The following CEP85L variants were observed in gnomAD, a reference collection of about 807,000 sequenced individuals.
CEP85L encodes the protein centrosomal protein of 85 kDa-like.
Under a neutral mutation model 100.3 loss-of-function variants are expected in CEP85L, and 60 were observed. That is an observed-to-expected ratio of 0.60 (90% CI 0.49 to 0.74). The LOEUF (loss-of-function observed/expected upper bound fraction) is 0.74, where lower values mean the gene tolerates loss of function less well. CEP85L is among the 30% of genes least tolerant of loss of function. The probability of loss-of-function intolerance (pLI) is 0.00; values close to 1 mark genes in which losing one functional copy is unlikely to be tolerated. For synonymous variants in CEP85L, 319 were observed against 322.7 expected (o/e 0.99, Z 0.12); for missense variants, 973 against 936.2 (o/e 1.04, Z -0.51).
intron 1 of CEP85L, among the ~76,000 whole-genome samples, chr6:118,649,468 A>G (rs1461892060): frequency 6.6e-6 from 1 of 152,236 alleles, no homozygotes; most frequent in African/African-American, 2.4e-5. Context: ...TCTTCCTAGA[A>G]AACAATGAAA....
chr6:118,674,303 A>G (rs1247849188), intron 1 of CEP85L, among the ~76,000 whole-genome samples: 2 of 152,234 alleles, frequency 1.3e-5, no homozygotes, highest in African/African-American at 4.8e-5. Context: ...AGGCGGGTGG[A>G]TCACAAGATC....
At chr6:118,519,005 G>T (rs749151128) in intron 4 of CEP85L, among the ~76,000 whole-genome samples, 2 of 152,148 alleles carry the variant, frequency 1.3e-5, no homozygotes, top group African/African-American at 2.4e-5. Flanking sequence ...AGTCATTCAG[G>T]AGCAGGTTGT....
intron 2 of CEP85L, among the ~76,000 whole-genome samples, chr6:118,610,680 C>T: frequency 6.6e-6 from 1 of 152,026 alleles, no homozygotes; most frequent in Admixed American, 6.6e-5. Flanking sequence ...TAACTTTCAA[C>T]TACAAGACCC....
At position 118,470,603 on chromosome 6, in the gene CEP85L, T is replaced by C. The variant is rs369100935; in HGVS notation, c.1956A>G (p.Gln652=). ...TCTTTTCCAGCTCTTCCATCATCTTTTGAGTGGTCAGTTTCTCTTTAGAAA... is the reference window on the plus strand; with the variant it reads ...TCTTTTCCAGCTCTTCCATCATCTTCTGAGTGGTCAGTTTCTCTTTAGAAA... ...GKLSKEKLTT[Q]KMMEELEKKE... is the part of the protein sequence containing the mutation. The change falls in exon 11 of 13, where the codon CAA becomes CAG. Residue 652 remains glutamine, a synonymous_variant. Transcript: ENST00000368491. 10 of 1,607,590 alleles carry C rather than the reference T, an allele frequency of 6.2e-6. No individual in the cohort carries two copies. In the African/African-American group the frequency reaches 1.1e-4, roughly 17 times the overall value.
chr6:118,641,395 G>T (rs1054065544), intron 1 of CEP85L, among the ~76,000 whole-genome samples: 1 of 75,086 alleles, frequency 1.3e-5, no homozygotes, highest in African/African-American at 5.5e-5. Context: ...GCTGCTGGAA[G>T]AAAAAAACTT....
chr6:118,584,617 G>A (rs1780753708), intron 2 of CEP85L, among the ~76,000 whole-genome samples: 1 of 152,164 alleles, frequency 6.6e-6, no homozygotes, highest in Non-Finnish European at 1.5e-5. Context: ...AATGGCCCTG[G>A]GAGTATTAAC....
intron 1 of CEP85L, among the ~76,000 whole-genome samples, chr6:118,678,588 G>A (rs754386329): frequency 9.2e-5 from 14 of 152,102 alleles, no homozygotes; most frequent in Non-Finnish European, 1.3e-4. Flanking sequence ...TTCTTCACTA[G>A]ACTGTGAACT....
At position 118,505,372 on chromosome 6, in the gene CEP85L, C is replaced by T. The variant is rs1250685724; in HGVS notation, c.1257+5926G>A. On this transcript the variant is annotated intron_variant, in intron 5 of 12. Coordinates refer to ENST00000368491, the MANE Select transcript of CEP85L (RefSeq NM_001042475.3). ...AGGAGAATTGCTTGAACCCAGGAGG[C>T]GGAGGTTGCAGTGAGCCAAGATCAC... 5.0e-5 allele frequency among the ~76,000 whole-genome samples: 6 copies of T among 119,738 alleles called. No homozygotes were observed. The South Asian group carries it at 1.1e-3, about 23-fold the overall frequency. The allele number at this position is 119,738 out of a possible 152,430, so 78.6% of individuals were successfully genotyped here. A position where few individuals can be genotyped will look rare whatever the true frequency, so the allele number is the denominator to read the frequency against.
chr6:118,698,604 CTGTG>C (rs1291186029), intron 1 of CEP85L, among the ~76,000 whole-genome samples: 1 of 151,558 alleles, frequency 6.6e-6, no homozygotes, highest in Non-Finnish European at 1.5e-5. Flanking sequence ...TCTTGATTCA[CTGTG>C]ATAAGGATAC....
At chr6:118,484,147 T>TA (rs1477319340) in intron 6 of CEP85L, among the ~76,000 whole-genome samples, 3 of 151,916 alleles carry the variant, frequency 2.0e-5, no homozygotes, top group Admixed American at 1.3e-4. Context: ...CTGTCTCTAC[T>TA]AAAAAAATAC....
intron 1 of CEP85L, among the ~76,000 whole-genome samples, chr6:118,703,840 A>G (rs1437020152): frequency 6.6e-6 from 1 of 152,164 alleles, no homozygotes; most frequent in African/African-American, 2.4e-5. Context: ...TTTTAAAAAT[A>G]TATTTAATGT....
At chr6:118,672,080 A>G (rs1268329980) in intron 1 of CEP85L, among the ~76,000 whole-genome samples, 2 of 151,680 alleles carry the variant, frequency 1.3e-5, no homozygotes, top group Non-Finnish European at 2.9e-5. Context: ...TCTGTTGCCC[A>G]GGTTGTAGTG....
At chr6:118,498,385 C>CA (rs1227772066) in intron 5 of CEP85L, among the ~76,000 whole-genome samples, 2 of 151,636 alleles carry the variant, frequency 1.3e-5, no homozygotes, top group African/African-American at 4.8e-5. Flanking sequence ...TGGAACACTA[C>CA]AAAAAAATCT....
intron 12 of CEP85L, among the ~76,000 whole-genome samples, chr6:118,467,714 A>C (rs1351789090): frequency 1.3e-5 from 2 of 152,194 alleles, no homozygotes; most frequent in East Asian, 3.9e-4. Flanking sequence ...GACCAACTCT[A>C]AAATCATGAA....
intron 4 of CEP85L, among the ~76,000 whole-genome samples, chr6:118,520,507 T>C (rs1776598695): frequency 6.6e-6 from 1 of 152,204 alleles, no homozygotes; most frequent in Non-Finnish European, 1.5e-5. Context: ...GCAATTAGCA[T>C]ATCCATCATC....
At chr6:118,704,521 T>C (rs1410783750) in intron 1 of CEP85L, among the ~76,000 whole-genome samples, 1 of 152,176 alleles carries the variant, frequency 6.6e-6, no homozygotes, top group Non-Finnish European at 1.5e-5. Flanking sequence ...CAGGTTGGAG[T>C]GCAGTGGCTT....
At position 118,700,657 on chromosome 6, in the gene CEP85L, C is replaced by T. The variant is rs562467367; in HGVS notation, c.-28+9379G>A. Among the ~76,000 whole-genome samples, 5 of 152,324 alleles carry T rather than the reference C, an allele frequency of 3.3e-5. No individual in the cohort carries two copies. In the South Asian group the frequency reaches 6.2e-4, roughly 19 times the overall value. On this transcript the variant is annotated intron_variant, in intron 1 of 13. Transcript: ENST00000368488. ...GAGGCATATGGGATCTGAATCTACACGCAGTTCTGGTGATCTTGAGAGACA... is the reference window on the plus strand; with the variant it reads ...GAGGCATATGGGATCTGAATCTACATGCAGTTCTGGTGATCTTGAGAGACA...
At chr6:118,547,238 A>G (rs1433119065) in intron 3 of CEP85L, among the ~76,000 whole-genome samples, 1 of 152,146 alleles carries the variant, frequency 6.6e-6, no homozygotes, top group Non-Finnish European at 1.5e-5. Context: ...AGAGAAGAGG[A>G]GAATGATGCC....
chr6:118,486,572 G>A (rs919372748), intron 6 of CEP85L, among the ~76,000 whole-genome samples: 3 of 152,084 alleles, frequency 2.0e-5, no homozygotes, highest in Non-Finnish European at 4.4e-5. Context: ...GACCCAAAGT[G>A]CTGTTTGTTG....
Sources: allele counts gnomAD v4.1 joint callset (sites outside exome capture counted in the v4.1 genomes callset), GRCh38; gene constraint gnomAD v4.1.1; transcripts MANE v1.5; gene names NCBI Gene and HGNC (gene_info 2026-07-23, HGNC 2026-07-21).